Variants in MCMBP observed in about 807,000 individuals in gnomAD.
The protein encoded by MCMBP is mini-chromosome maintenance complex-binding protein.
MCMBP carries 31 observed loss-of-function variants against 81.3 expected under a neutral mutation model. The ratio of observed to expected loss-of-function variants is 0.38; its 90% CI spans 0.29 to 0.51. The LOEUF (loss-of-function observed/expected upper bound fraction) is 0.51, where lower values mean the gene tolerates loss of function less well. Ranked by LOEUF, MCMBP falls within the 20% of genes least tolerant of loss-of-function variation. The probability of loss-of-function intolerance (pLI) is 0.87; values close to 1 mark genes in which losing one functional copy is unlikely to be tolerated. For missense variants in MCMBP, 645 were observed against 772.1 expected (o/e 0.84, Z 1.95); for synonymous variants, 267 against 275.9 (o/e 0.97, Z 0.32).
chr10:119,831,596 G>C lies in MCMBP; in HGVS notation c.1801C>G (p.Leu601Val). 2 of 1,612,964 alleles carry C rather than the reference G, an allele frequency of 1.2e-6. No homozygotes were observed. Among genetic ancestry groups the C allele is most frequent in the African/African-American group, 1.3e-5 (1 of 74,992 alleles). The change falls in exon 16 of 16, where the codon CTG (leucine) becomes GTG (valine). Residue 601 changes from leucine to valine, a missense_variant. Transcript: ENST00000369077. ...LHQLLVVARC[L>V]SLSAGQTTLS... The stretch of plus-strand genomic sequence containing the variant: ...GTTGTCTGACCAGCACTGAGAGACA[G>C]ACACCTGGTTTGAAACACAGAAACA...
intron 6 of MCMBP, among the ~76,000 whole-genome samples, chr10:119,850,210 G>A (rs1287197539): frequency 6.6e-6 from 1 of 152,062 alleles, no homozygotes; most frequent in Non-Finnish European, 1.5e-5. Context: ...GGATCTCAAG[G>A]GAATTGTGCT....
At chr10:119,852,180 A>T (rs1852853332) in intron 6 of MCMBP, among the ~76,000 whole-genome samples, 1 of 132,448 alleles carries the variant, frequency 7.6e-6, no homozygotes, top group African/African-American at 2.9e-5. Flanking sequence ...AAAAAAAAAA[A>T]GCCTTCTCTA....
chr10:119,844,663 A>G (rs867991279), intron 8 of MCMBP, among the ~76,000 whole-genome samples: 4 of 152,150 alleles, frequency 2.6e-5, no homozygotes, highest in African/African-American at 7.2e-5. Context: ...GCCAAAGGAG[A>G]TTAACATTTG....
rs1852883380 is a variant in MCMBP at position 119,852,942 on chromosome 10, TA to T, written c.574+107del. On this transcript the variant is annotated intron_variant, in intron 6 of 15. Transcript: ENST00000369077. ...ACTCTCAACATGTCTGTAACTCTGA[TA>T]AATTGCCAGCTCCTAAATATAGAGC... is the stretch of plus-strand genomic sequence containing the variant. The T allele has an allele frequency of 9.7e-6, 13 of 1,345,484 alleles. No homozygotes were observed. In the South Asian group the frequency reaches 1.7e-4, roughly 18 times the overall value. 83.3% of individuals were successfully genotyped at this position (1,345,484 alleles called of 1,614,324 possible). A position where few individuals can be genotyped will look rare whatever the true frequency, so the allele number is the denominator to read the frequency against.
At position 119,835,707 on chromosome 10, in the gene MCMBP, G is replaced by A. The variant is rs1852216513; in HGVS notation, c.1543-3C>T. 1.2e-6 allele frequency: 2 copies of A among 1,613,994 alleles called. No homozygotes were observed. Among genetic ancestry groups the A allele is most frequent in the African/African-American group, 2.7e-5 (2 of 74,934 alleles). ...TGTAAGTGAATCTGGCAGTCTGCCT[G>A]AAAAGAGAAGGAGTACACTGTATTT... On this transcript the variant is annotated splice_region_variant and splice_polypyrimidine_tract_variant and intron_variant, in intron 13 of 15. Coordinates refer to ENST00000369077, the MANE Select transcript of MCMBP (RefSeq NM_001256378.2).
chr10:119,835,229 A>G (rs1179155111), intron 14 of MCMBP, among the ~76,000 whole-genome samples: 5 of 152,078 alleles, frequency 3.3e-5, no homozygotes, highest in African/African-American at 1.2e-4. Context: ...AGCCACACAA[A>G]TTTTTTTTAA....
chr10:119,834,118 G>C (rs1426837360), intron 14 of MCMBP, among the ~76,000 whole-genome samples: 1 of 152,136 alleles, frequency 6.6e-6, no homozygotes, highest in East Asian at 1.9e-4. Context: ...TGCAACATCA[G>C]ATACACAGTG....
In MCMBP at chr10:119,830,625, T is replaced by G. The variant is rs1020367752; in HGVS notation, c.*849A>C. On this transcript the variant is annotated 3_prime_UTR_variant, in exon 16 of 16. Coordinates refer to ENST00000369077, the MANE Select transcript of MCMBP (RefSeq NM_001256378.2). ...CATTCCCTTATGCATGGTTCTCAAA[T>G]GCACTGGGATAGGAGAAAATAAAGA... 6.6e-6 allele frequency: 1 copy of G among 152,496 alleles called. No homozygotes were observed. Among genetic ancestry groups the G allele is most frequent in the African/African-American group, 2.4e-5 (1 of 41,454 alleles). The allele number at this position is 152,496 out of a possible 1,614,324, so 9.4% of individuals were successfully genotyped here.
rs775513145 is a variant in MCMBP, at chr10:119,843,339, C to T, written c.915G>A (p.Pro305=). 1.9e-5 allele frequency: 30 copies of T among 1,613,870 alleles called. No homozygotes were observed. Among genetic ancestry groups the T allele is most frequent in the Middle Eastern group, 3.3e-4 (2 of 6,084 alleles). Residue 305 remains proline, a synonymous_variant, in exon 9 of 16, where the codon CCG becomes CCA. Coordinates refer to ENST00000369077, the MANE Select transcript of MCMBP (RefSeq NM_001256378.2). ...RVHSPPASLV[P]RIHVILAQKL... ...TCTGGGCTAAGATCACATGAATTCT[C>T]GGCACTAATGAAGCAGGAGGACTGT...
chr10:119,872,079 C>A (rs1853696069), intron 1 of MCMBP, among the ~76,000 whole-genome samples: 1 of 152,154 alleles, frequency 6.6e-6, no homozygotes, highest in Non-Finnish European at 1.5e-5. Context: ...CGAGCACTCC[C>A]CGACGCACCG....
At chr10:119,864,240 T>C (rs917755795) in intron 1 of MCMBP, among the ~76,000 whole-genome samples, 1 of 152,260 alleles carries the variant, frequency 6.6e-6, no homozygotes, top group Non-Finnish European at 1.5e-5. Context: ...TGTCAACAAT[T>C]TGATTTTATC....
chr10:119,859,434 T>C (rs1853169299), intron 2 of MCMBP, among the ~76,000 whole-genome samples: 1 of 152,232 alleles, frequency 6.6e-6, no homozygotes, highest in African/African-American at 2.4e-5. Context: ...AAAAATGCTT[T>C]TCATTCAGAA....
At chr10:119,852,293 T>TACTCGAATATATTACAA (rs776131996) in intron 6 of MCMBP, among the ~76,000 whole-genome samples, 2 of 150,488 alleles carry the variant, frequency 1.3e-5, no homozygotes, top group Non-Finnish European at 3.0e-5. Context: ...GGATAGCACA[T>TACTCGAATATATTACAA]ACTCGAATAT....
chr10:119,841,013 T>C, intron 10 of MCMBP, 53 bp from the exon 11 acceptor site: 1 of 1,039,984 alleles, frequency 9.6e-7, no homozygotes, highest in Admixed American at 1.9e-5. Context: ...TCCTGATTTC[T>C]ATCAAATAGC....
intron 8 of MCMBP, among the ~76,000 whole-genome samples, chr10:119,844,562 G>A (rs1852554924): frequency 6.6e-6 from 1 of 152,176 alleles, no homozygotes; most frequent in African/African-American, 2.4e-5. Context: ...GCCTGTCTGT[G>A]CTCTTAACCT....
rs1564866471 is a variant in MCMBP, at chr10:119,831,255, A to C, written c.*219T>G. On this transcript the variant is annotated 3_prime_UTR_variant, in exon 16 of 16. Coordinates refer to ENST00000369077, the MANE Select transcript of MCMBP (RefSeq NM_001256378.2). ...TTTTTACATCATTACTAATTTATAT[A>C]ATTATTATAAAACAAACTTCAAAAG... is the stretch of plus-strand genomic sequence containing the variant. 4 of 311,554 alleles carry C rather than the reference A, an allele frequency of 1.3e-5. No homozygotes were observed. The allele number at this position is 311,554 out of a possible 1,614,324, so 19.3% of individuals were successfully genotyped here. A position where few individuals can be genotyped will look rare whatever the true frequency, so the allele number is the denominator to read the frequency against.
intron 14 of MCMBP, 92 bp downstream of exon 14, chr10:119,835,448 C>A: frequency 1.7e-6 from 2 of 1,165,392 alleles, no homozygotes; most frequent in South Asian, 1.6e-5. Context: ...AAACAAATAA[C>A]AAAATTACCT....
In MCMBP at chr10:119,859,057, T is replaced by G. The variant is rs754134868; in HGVS notation, c.269A>C (p.Gln90Pro). The G allele has an allele frequency of 6.2e-7, 1 of 1,613,554 alleles. No individual in the cohort carries two copies. The highest frequency in any genetic ancestry group is 1.7e-5 in the Admixed American group (1 of 59,914). ...AATACTTACATGTGCTTTTGTGTTT[T>G]GGTTAACCGTTTCATAAACTCCCAT... ...FYMGVYETVN[Q>P]NTKAHVLHFG... Residue 90 changes from glutamine (Q) to proline (P), a missense_variant, in exon 3 of 16, where the codon CAA (glutamine) becomes CCA (proline). Coordinates refer to ENST00000369077, the MANE Select transcript of MCMBP (RefSeq NM_001256378.2).
chr10:119,849,495 A>G lies in MCMBP; in HGVS notation c.656T>C (p.Leu219Pro). Residue 219 changes from leucine to proline, a missense_variant, in exon 7 of 16, where the codon CTG (leucine) becomes CCG (proline). Coordinates refer to ENST00000369077, the MANE Select transcript of MCMBP (RefSeq NM_001256378.2). ...EASTGQQLNSLNLSSPFDLNF... is the reference protein window; with the variant it reads ...EASTGQQLNSPNLSSPFDLNF... Reference sequence around the variant, plus strand: ...CAAATCAAAAGGAGAAGACAAGTTCAGAGAGTTCAGCTGTTGCCCAGTAGA... The same window carrying G: ...CAAATCAAAAGGAGAAGACAAGTTCGGAGAGTTCAGCTGTTGCCCAGTAGA... 6.2e-7 allele frequency: 1 copy of G among 1,611,734 alleles called. No homozygotes were observed. Among genetic ancestry groups the G allele is most frequent in the East Asian group, 2.2e-5 (1 of 44,716 alleles).
Sources: gnomAD v4.1 joint callset for allele counts (sites outside exome capture counted in the v4.1 genomes callset) on GRCh38, gnomAD v4.1.1 for gene constraint, MANE v1.5 for transcripts, NCBI Gene and HGNC (gene_info 2026-07-23, HGNC 2026-07-21) for gene names.